The following HAO1 variants were observed in gnomAD, a reference collection of about 807,000 sequenced individuals.
The protein encoded by HAO1 is 2-Hydroxyacid oxidase 1.
In HAO1, 34 loss-of-function variants were observed where a neutral mutation model predicts 39.7. The ratio of observed to expected loss-of-function variants is 0.86; its 90% confidence interval spans 0.65 to 1.14. The LOEUF is 1.14. HAO1 is among the 50% of genes most tolerant of loss of function. HAO1 has a pLI of 0.00. For synonymous variants in HAO1, 172 were observed against 173.2 expected (o/e 0.99, Z 0.05); for missense variants, 479 against 464.5 (o/e 1.03, Z -0.29).
intron 2 of HAO1, among the ~76,000 whole-genome samples, chr20:7,919,206 G>A (rs150668738): frequency 2.0e-5 from 3 of 152,090 alleles, no homozygotes; most frequent in African/African-American, 4.8e-5. Flanking sequence ...AAATACCTAG[G>A]AGCCTACACC....
At chr20:7,927,176 T>C (rs534024379) in intron 2 of HAO1, among the ~76,000 whole-genome samples, 1 of 152,240 alleles carries the variant, frequency 6.6e-6, no homozygotes, top group Non-Finnish European at 1.5e-5. Flanking sequence ...AAGCACCAAA[T>C]GGTATAGTAA....
intron 4 of HAO1, among the ~76,000 whole-genome samples, chr20:7,901,853 G>T (rs1328280145): frequency 6.6e-6 from 1 of 152,178 alleles, no homozygotes; most frequent in Non-Finnish European, 1.5e-5. Flanking sequence ...CAAAATATCA[G>T]CATTAACAGG....
chr20:7,913,725 CAGTG>C (rs1268293761), intron 3 of HAO1, among the ~76,000 whole-genome samples: 3 of 152,312 alleles, frequency 2.0e-5, no homozygotes, highest in Admixed American at 2.0e-4. Context: ...AAGAAGTAGA[CAGTG>C]AGGGATCAAA....
In HAO1 at chr20:7,906,242, T is replaced by C. The variant is rs1333844282; in HGVS notation, c.633A>G (p.Lys211=). The C allele has an allele frequency of 6.2e-7, 1 of 1,611,550 alleles. No individual in the cohort carries two copies. Among genetic ancestry groups the C allele is most frequent in the East Asian group, 2.2e-5 (1 of 44,804 alleles). Reference sequence around the variant, plus strand: ...CCCAGCTGATAGATGGGTCTATTGCTTTAGCCACATATGCAGCAAGTCCAC... The same window carrying C: ...CCCAGCTGATAGATGGGTCTATTGCCTTAGCCACATATGCAGCAAGTCCAC... ...DDSGLAAYVA[K]AIDPSISWED... Residue 211 remains lysine (K), a synonymous_variant, in exon 4 of 8, where the codon AAA becomes AAG. Coordinates refer to ENST00000378789, the MANE Select transcript of HAO1 (RefSeq NM_017545.3).
At chr20:7,895,280 G>GTT (rs1349584155) in intron 4 of HAO1, 56 bp from the exon 5 acceptor site, 1 of 1,086,360 alleles carries the variant, frequency 9.2e-7, no homozygotes, top group Non-Finnish European at 1.4e-6. Context: ...GGCAGCTTGG[G>GTT]TTTAGAGGCC....
intron 1 of HAO1, among the ~76,000 whole-genome samples, chr20:7,939,884 GCCAACAAT>G (rs1392026582): frequency 1.3e-5 from 2 of 152,188 alleles, no homozygotes; most frequent in African/African-American, 4.8e-5. Context: ...AAACATTTGA[GCCAACAAT>G]CCAGTCTGGT....
intron 2 of HAO1, among the ~76,000 whole-genome samples, chr20:7,922,960 A>C (rs897313861): frequency 2.0e-5 from 3 of 152,154 alleles, no homozygotes; most frequent in Non-Finnish European, 4.4e-5. Context: ...AATAAAAGTT[A>C]ATCTCAGACC....
intron 4 of HAO1, among the ~76,000 whole-genome samples, chr20:7,904,475 C>T (rs1299001844): frequency 6.6e-6 from 1 of 152,232 alleles, no homozygotes; most frequent in African/African-American, 2.4e-5. Context: ...TGCATAATTG[C>T]TTTATTCTGC....
At chr20:7,888,235 G>A (rs1303781992) in intron 5 of HAO1, among the ~76,000 whole-genome samples, 1 of 152,094 alleles carries the variant, frequency 6.6e-6, no homozygotes, top group African/African-American at 2.4e-5. Flanking sequence ...ATGTCAGGCA[G>A]AGTAAGGGAT....
intron 1 of HAO1, among the ~76,000 whole-genome samples, chr20:7,939,073 C>A (rs911971249): frequency 6.6e-6 from 1 of 151,172 alleles, no homozygotes; most frequent in Non-Finnish European, 1.5e-5. Flanking sequence ...TTAATATCGG[C>A]CCAAGAAGGG....
At chr20:7,936,503 C>CGTGTGTGTGTGTGTGTGTGTGTGT (rs71183082) in intron 1 of HAO1, among the ~76,000 whole-genome samples, 1,202 of 109,062 alleles carry the variant, frequency 0.011, 43 homozygotes, top group East Asian at 0.023. Flanking sequence ...GGGCAGCAGC[C>CGTGTGTGTGTGTGTGTGTGTGTGT]GTGTGTGTGT....
chr20:7,934,536 A>G lies in HAO1; in HGVS notation c.237T>C (p.Ala79=). Residue 79 remains alanine, a synonymous_variant, in exon 2 of 8, where the codon GCT becomes GCC. Transcript: ENST00000378789. ...CATGAGCCATGCGCTGCATGGCCGT[A>G]GCCCCCACACATATTGGCATGCTGA... ...QRVSMPICVG[A]TAMQRMAHVD... The G allele has an allele frequency of 6.2e-7, 1 of 1,613,556 alleles. No individual in the cohort carries two copies. Among genetic ancestry groups the G allele is most frequent in the Non-Finnish European group, 8.5e-7 (1 of 1,179,512 alleles).
chr20:7,905,907 G>A (rs2050245458), intron 4 of HAO1, among the ~76,000 whole-genome samples: 1 of 152,134 alleles, frequency 6.6e-6, no homozygotes, highest in South Asian at 2.1e-4. Flanking sequence ...CTGAAATAAG[G>A]CAATAGCATC....
rs1292549632 is a variant in HAO1 at position 7,936,550 on chromosome 20, G to GTGTGTGTGTGTGTGTGTT, written c.138-1916_138-1915insAACACACACACACACACA. ...TGTGTGTGTGTGTGTGTGTGTGTTCGCGCGCGCGCGCGCGCGTGCGTGCCA... is the reference window on the plus strand; with the variant it reads ...TGTGTGTGTGTGTGTGTGTGTGTTCGTGTGTGTGTGTGTGTGTTCGCGCGCGCGCGCGCGTGCGTGCCA... On this transcript the variant is annotated intron_variant, in intron 1 of 7. Coordinates refer to ENST00000378789, the MANE Select transcript of HAO1 (RefSeq NM_017545.3). 8.5e-3 allele frequency among the ~76,000 whole-genome samples: 1,196 copies of GTGTGTGTGTGTGTGTGTT among 140,928 alleles called. 8 individuals are homozygous for GTGTGTGTGTGTGTGTGTT. The highest frequency in any genetic ancestry group is 0.011 in the Non-Finnish European group (702 of 65,410). The allele number at this position is 140,928 out of a possible 152,430, so 92.5% of individuals were successfully genotyped here.
Position 7,936,554 on chromosome 20 carries a change from GC to G in HAO1, c.138-1920del, listed in dbSNP as rs1568522221. 4.2e-4 allele frequency among the ~76,000 whole-genome samples: 62 copies of G among 147,738 alleles called. 1 individual carries two copies. The highest frequency in any genetic ancestry group is 1.5e-3 in the African/African-American group (61 of 40,650). On this transcript the variant is annotated intron_variant, in intron 1 of 7. Coordinates refer to ENST00000378789, the MANE Select transcript of HAO1 (RefSeq NM_017545.3). ...TGTGTGTGTGTGTGTGTGTTCGCGC[GC>G]GCGCGCGCGCGTGCGTGCCAAAAGG...
intron 5 of HAO1, among the ~76,000 whole-genome samples, chr20:7,893,569 A>T (rs1336518695): frequency 6.6e-6 from 1 of 152,106 alleles, no homozygotes; most frequent in Non-Finnish European, 1.5e-5. Context: ...CAGACCCTGT[A>T]CCTGGATCAG....
At position 7,885,873 on chromosome 20, in the gene HAO1, A is replaced by G. The variant is rs778075062; in HGVS notation, c.814-9T>C. 1 of 1,611,078 alleles carries G rather than the reference A, an allele frequency of 6.2e-7. No individual in the cohort carries two copies. On this transcript the variant is annotated splice_polypyrimidine_tract_variant and intron_variant, in intron 5 of 7. Coordinates refer to ENST00000378789, the MANE Select transcript of HAO1 (RefSeq NM_017545.3). ...TCTGGCAGAACATCAATCTGGGGAA[A>G]GAAAAGTTCAATAATGTGACTCTAT...
chr20:7,915,321 T>G (rs1232995605), intron 2 of HAO1, among the ~76,000 whole-genome samples: 1 of 151,348 alleles, frequency 6.6e-6, no homozygotes, highest in African/African-American at 2.4e-5. Flanking sequence ...GCTCAAGGCC[T>G]TAAAAATAAG....
intron 5 of HAO1, among the ~76,000 whole-genome samples, chr20:7,893,691 C>T (rs946825975): frequency 6.6e-6 from 1 of 152,104 alleles, no homozygotes; most frequent in Non-Finnish European, 1.5e-5. Context: ...TCCCACCTGA[C>T]CAATCAGCAC....
Sources: gnomAD v4.1 joint callset for allele counts (sites outside exome capture counted in the v4.1 genomes callset) on GRCh38, gnomAD v4.1.1 for gene constraint, MANE v1.5 for transcripts, NCBI Gene and HGNC (gene_info 2026-07-23, HGNC 2026-07-21) for gene names.